TAF3: variants seen among roughly 807,000 people sequenced by gnomAD.
The protein encoded by TAF3 is TATA-box binding protein associated factor 3, also known as transcription initiation factor TFIID subunit 3.
In TAF3, 7 loss-of-function variants were observed where a neutral mutation model predicts 80.6. The observed-to-expected ratio is 0.09, with a 90% CI of 0.05 to 0.16. The LOEUF (loss-of-function observed/expected upper bound fraction) is 0.16, where lower values mean the gene tolerates loss of function less well. TAF3 is among the 10% of genes least tolerant of loss of function. TAF3 has a pLI of 1.00. For missense variants in TAF3, 921 were observed against 1,140.2 expected (o/e 0.81, Z 2.77); for synonymous variants, 444 against 446.1 (o/e 1.00, Z 0.06).
intron 2 of TAF3, among the ~76,000 whole-genome samples, chr10:7,834,341 A>G (rs1025242632): frequency 1.3e-5 from 2 of 152,124 alleles, no homozygotes; most frequent in African/African-American, 4.8e-5. Context: ...CAAGTCTTAC[A>G]TTTAGGTCTT....
chr10:8,006,487 A>G (rs552087052), intron 4 of TAF3, among the ~76,000 whole-genome samples: 25 of 152,330 alleles, frequency 1.6e-4, no homozygotes, highest in Non-Finnish European at 2.5e-4. Context: ...GAAAGTGCTC[A>G]ATAAATATTC....
At chr10:7,865,151 T>A (rs553845788) in intron 2 of TAF3, among the ~76,000 whole-genome samples, 1 of 150,884 alleles carries the variant, frequency 6.6e-6, no homozygotes, top group South Asian at 2.1e-4. Flanking sequence ...GCTTCAGGAG[T>A]GGAGAGGGCA....
rs562899100 is a variant in TAF3 at position 7,899,206 on chromosome 10, C to T, written c.410-64714C>T. Among the ~76,000 whole-genome samples, 50 of 152,260 alleles carry T rather than the reference C, an allele frequency of 3.3e-4. 1 individual carries two copies. In the South Asian group the frequency reaches 8.7e-3, roughly 27 times the overall value. ...GGCCTCACCTACATCCTTGCCTGTG[C>T]GCAGTCTCCCTCGATCTGGAGCCGT... On this transcript the variant is annotated intron_variant, in intron 2 of 6. Transcript: ENST00000344293.
chr10:7,992,211 C>G (rs542447046), intron 4 of TAF3, among the ~76,000 whole-genome samples: 7 of 152,312 alleles, frequency 4.6e-5, no homozygotes, highest in Admixed American at 3.3e-4. Context: ...TCTGAAATCA[C>G]AAAATCTTTT....
At chr10:7,991,154 T>G (rs189281323) in intron 4 of TAF3, among the ~76,000 whole-genome samples, 9 of 152,286 alleles carry the variant, frequency 5.9e-5, no homozygotes, top group Admixed American at 5.2e-4. Flanking sequence ...AACTTTCTTA[T>G]GTACATAGAT....
chr10:7,995,154 C>T (rs1260938159), intron 4 of TAF3, among the ~76,000 whole-genome samples: 1 of 151,954 alleles, frequency 6.6e-6, no homozygotes, highest in African/African-American at 2.4e-5. Flanking sequence ...AGCATTTGCT[C>T]TTAAAATACA....
intron 2 of TAF3, among the ~76,000 whole-genome samples, chr10:7,871,141 T>A (rs1837261290): frequency 6.6e-6 from 1 of 152,138 alleles, no homozygotes; most frequent in Admixed American, 6.5e-5. Flanking sequence ...CTTAAAAGTT[T>A]CCTATCATAC....
chr10:7,823,416 A>G (rs2131097400), intron 1 of TAF3, among the ~76,000 whole-genome samples: 1 of 151,954 alleles, frequency 6.6e-6, no homozygotes, highest in East Asian at 1.9e-4. Flanking sequence ...GGATTGATTG[A>G]GGCCAGGAGT....
intron 2 of TAF3, among the ~76,000 whole-genome samples, chr10:7,842,148 A>AT (rs1564345260): frequency 9.4e-6 from 1 of 106,320 alleles, no homozygotes; most frequent in Non-Finnish European, 2.0e-5. Context: ...TTGAATTAAT[A>AT]TTGTTTTTTT....
At chr10:7,908,599 G>A (rs976414214) in intron 2 of TAF3, among the ~76,000 whole-genome samples, 11 of 152,130 alleles carry the variant, frequency 7.2e-5, no homozygotes, top group African/African-American at 4.8e-5. Context: ...GTTACCGAGC[G>A]CTTCTGAAGG....
At chr10:7,956,733 C>G (rs1838139480) in intron 2 of TAF3, among the ~76,000 whole-genome samples, 1 of 152,130 alleles carries the variant, frequency 6.6e-6, no homozygotes, top group South Asian at 2.1e-4. Flanking sequence ...AAAAAGCATA[C>G]CAGACATGCA....
At chr10:7,985,392 CTCT>C (rs1831766806) in intron 4 of TAF3, among the ~76,000 whole-genome samples, 1 of 152,188 alleles carries the variant, frequency 6.6e-6, no homozygotes, top group Admixed American at 6.5e-5. Flanking sequence ...CTGTGTCTTC[CTCT>C]TCTTTTTTCT....
rs879393504 is a variant in TAF3 at position 7,826,207 on chromosome 10, G to A, written c.409+1647G>A. 2.6e-5 allele frequency among the ~76,000 whole-genome samples: 4 copies of A among 152,182 alleles called. No homozygotes were observed. The East Asian group carries it at 7.7e-4, about 29-fold the overall frequency. The stretch of plus-strand genomic sequence containing the variant: ...GGTGCTCTGGATCTTAGCTGCAGTG[G>A]GTTCTACTGAATGATACTAACACAC... On this transcript the variant is annotated intron_variant, in intron 2 of 6. Transcript: ENST00000344293.
At chr10:7,864,247 T>A (rs1837186997) in intron 2 of TAF3, among the ~76,000 whole-genome samples, 1 of 152,236 alleles carries the variant, frequency 6.6e-6, no homozygotes, top group Non-Finnish European at 1.5e-5. Context: ...TTCCCTCCCT[T>A]ACCCCAACCT....
At chr10:8,012,391 C>G (rs1173821835) in intron 5 of TAF3, among the ~76,000 whole-genome samples, 3 of 152,180 alleles carry the variant, frequency 2.0e-5, no homozygotes, top group Non-Finnish European at 4.4e-5. Flanking sequence ...GGTTGTTTTA[C>G]AGGGATTAAA....
rs140367084 is a variant in TAF3, at chr10:7,965,414, A to G, written c.1904A>G (p.Lys635Arg). 5.0e-6 allele frequency: 8 copies of G among 1,613,380 alleles called. No homozygotes were observed. In the African/African-American group the frequency reaches 1.1e-4, roughly 22 times the overall value. Residue 635 changes from lysine (K) to arginine (R), a missense_variant, in exon 3 of 7, where the codon AAA becomes AGA. This residue lies in a region of TAF3 where 743 missense variants were observed against 821.0 expected (regional missense o/e 0.90). Transcript: ENST00000344293. ...KGKKDKDKRE[K>R]EKVKDKGRED... ...AAGAAAGATAAAGATAAGAGAGAGA[A>G]AGAAAAAGTGAAAGATAAAGGCAGA...
At chr10:7,994,977 GA>G (rs71287400) in intron 4 of TAF3, among the ~76,000 whole-genome samples, 2,805 of 97,738 alleles carry the variant, frequency 0.029, 40 homozygotes, top group African/African-American at 0.077. Flanking sequence ...CTCAAAAAAA[GA>G]AAAAAAAAAA....
chr10:7,956,834 A>G (rs540057600), intron 2 of TAF3, among the ~76,000 whole-genome samples: 5 of 152,346 alleles, frequency 3.3e-5, no homozygotes, highest in African/African-American at 1.2e-4. Flanking sequence ...TGTGAAAAAC[A>G]TGAAAAAATA....
intron 4 of TAF3, among the ~76,000 whole-genome samples, chr10:7,987,751 A>G (rs961860077): frequency 1.3e-5 from 2 of 152,222 alleles, no homozygotes; most frequent in Admixed American, 6.5e-5. Context: ...GTGAATTTAT[A>G]TGAAAAGCTA....
Sources: gnomAD v4.1 joint callset for allele counts (sites outside exome capture counted in the v4.1 genomes callset) on GRCh38, gnomAD v4.1.1 for gene constraint, gnomAD v4.1.1 regional missense constraint, MANE v1.5 for transcripts, NCBI Gene and HGNC (gene_info 2026-07-23, HGNC 2026-07-21) for gene names.